The following NKD2 variants were observed in gnomAD, a reference collection of about 807,000 sequenced individuals.
NKD2 encodes the protein NKD inhibitor of Wnt signaling pathway 2.
A neutral mutation model predicts 34.8 loss-of-function variants in NKD2; 43 were observed. The observed-to-expected ratio is 1.24, with a 90% CI of 0.97 to 1.60. The LOEUF is 1.60. Among genes scored for constraint, NKD2 ranks in the 40% most tolerant of loss-of-function variants. NKD2 has a pLI of 0.00. For missense variants in NKD2, 675 were observed against 627.1 expected (o/e 1.08, Z -0.82); for synonymous variants, 278 against 265.1 (o/e 1.05, Z -0.47).
rs73731131 is a variant in NKD2 at position 1,019,772 on chromosome 5, G to A, written c.141+10212G>A. Reference sequence around the variant, plus strand: ...TAGAAAAAAGAAAACCCTGAAACGCGGCAGGGTTCTTTCCAGCTTTGGAAT... The same window carrying A: ...TAGAAAAAAGAAAACCCTGAAACGCAGCAGGGTTCTTTCCAGCTTTGGAAT... On this transcript the variant is annotated intron_variant, in intron 3 of 9. Coordinates refer to ENST00000296849, the MANE Select transcript of NKD2 (RefSeq NM_033120.4). Among the ~76,000 whole-genome samples the A allele has an allele frequency of 3.6e-3, 550 of 152,246 alleles. 4 individuals are homozygous for A. Among genetic ancestry groups the A allele is most frequent in the African/African-American group, 0.013 (521 of 41,534 alleles).
At chr5:1,035,793 C>G (rs934757241) in intron 8 of NKD2, 6 of 396,118 alleles carry the variant, frequency 1.5e-5, no homozygotes, top group Non-Finnish European at 2.7e-5. Flanking sequence ...GGCAACAGGG[C>G]TGGGGGTGGC....
intron 3 of NKD2, among the ~76,000 whole-genome samples, chr5:1,013,178 G>A (rs2150725772): frequency 6.6e-6 from 1 of 152,368 alleles, no homozygotes; most frequent in East Asian, 1.9e-4. Flanking sequence ...AAAGGGAGCA[G>A]GGGTGCCTGG....
In NKD2 at chr5:1,038,139, G is replaced by T; in HGVS notation, c.1122G>T (p.Gln374His). 6.3e-7 allele frequency: 1 copy of T among 1,586,868 alleles called. No homozygotes were observed. Reference sequence around the variant, plus strand: ...CTCAGGACGGCCACCACCTCCCGCAGCCCCCACCGCCACCCTACGGCCACA... The same window carrying T: ...CTCAGGACGGCCACCACCTCCCGCATCCCCCACCGCCACCCTACGGCCACA... Reference protein sequence around the residue: ...QAPQDGHHLPQPPPPPYGHKR... With the variant: ...QAPQDGHHLPHPPPPPYGHKR... The change falls in exon 10 of 10, where the codon CAG (glutamine) becomes CAT (histidine). Residue 374 changes from glutamine to histidine, a missense_variant. Physicochemically the swap from Gln to His is conservative, Grantham distance 24 (BLOSUM62 0). Transcript: ENST00000296849. This position sits in a 1 kb window ranked among gnomAD's most constrained non-coding sequence, Gnocchi z 4.5.
Position 1,009,923 on chromosome 5 carries a change from C to T in NKD2, c.141+363C>T, listed in dbSNP as rs75954784. 0.16 allele frequency among the ~76,000 whole-genome samples: 24,589 copies of T among 152,056 alleles called. 2,646 individuals carry two copies. Among genetic ancestry groups the T allele is most frequent in the Non-Finnish European group, 0.25 (16,711 of 67,940 alleles). On this transcript the variant is annotated intron_variant, in intron 3 of 9. Transcript: ENST00000296849. This position sits in a 1 kb window ranked among gnomAD's most constrained non-coding sequence, Gnocchi z 6.9. ...CCCGGGGAGCGGGAATGCAGTACCC[C>T]GGCTGGATGAGCTGGAGGAGTTGGA...
chr5:1,034,703 G>A (rs985860956), intron 6 of NKD2, 53 bp from the exon 7 acceptor site: 12 of 1,570,236 alleles, frequency 7.6e-6, no homozygotes, highest in African/African-American at 2.7e-5. Flanking sequence ...CAGGGAGGGC[G>A]GGTGGTGTCC....
chr5:1,035,565 C>CACACCAT (rs1181843074), intron 8 of NKD2, 92 bp downstream of exon 8: 4 of 998,090 alleles, frequency 4.0e-6, no homozygotes, highest in South Asian at 1.4e-5. Flanking sequence ...CCACAGGCCA[C>CACACCAT]ACACCATCCT....
At chr5:1,026,885 G>T (rs973849415) in intron 3 of NKD2, among the ~76,000 whole-genome samples, 1 of 152,252 alleles carries the variant, frequency 6.6e-6, no homozygotes, top group Non-Finnish European at 1.5e-5. Flanking sequence ...CTTGGCAGGC[G>T]CCTACCTTGC....
chr5:1,035,702 G>T, intron 8 of NKD2: 1 of 549,474 alleles, frequency 1.8e-6, no homozygotes. Context: ...AGGGGCAGCA[G>T]CCACAGCGGC....
rs1554005859 is a variant in NKD2 at position 1,038,478 on chromosome 5, AC to A, written c.*111del. The A allele has an allele frequency of 4.6e-6, 7 of 1,527,892 alleles. No individual in the cohort carries two copies. Among genetic ancestry groups the A allele is most frequent in the Middle Eastern group, 1.7e-4 (1 of 5,982 alleles). 94.6% of individuals were successfully genotyped at this position (1,527,892 alleles called of 1,614,324 possible). ...TGTGCCCATGGGGAGCCCAGCCCCC[AC>A]CCCCCACCTCCGACAGCAAACAGCA... On this transcript the variant is annotated 3_prime_UTR_variant, in exon 10 of 10. Transcript: ENST00000296849. This position sits in a 1 kb window ranked among gnomAD's most constrained non-coding sequence, Gnocchi z 4.5.
In NKD2 at chr5:1,034,254, C is replaced by T. The variant is rs146438226; in HGVS notation, c.350C>T (p.Ser117Leu). The change falls in exon 6 of 10, where the codon TCG becomes TTG. Residue 117 changes from serine to leucine, a missense_variant. By Grantham distance (145) the Ser-to-Leu change is moderately radical. Transcript: ENST00000296849. ...LNIDALQCDV[S>L]VEEDDRQEWT... ...CCACAGGCACTCCAGTGCGATGTCTCGGTGGAGGAGGACGACCGCCAGGAG... is the reference window on the plus strand; with the variant it reads ...CCACAGGCACTCCAGTGCGATGTCTTGGTGGAGGAGGACGACCGCCAGGAG... 66 of 1,612,140 alleles carry T rather than the reference C, an allele frequency of 4.1e-5. No homozygotes were observed. In the Middle Eastern group the frequency reaches 8.3e-4, roughly 20 times the overall value.
In NKD2 at chr5:1,009,811, C is replaced by T. The variant is rs562503809; in HGVS notation, c.141+251C>T. On this transcript the variant is annotated intron_variant, in intron 3 of 9. Transcript: ENST00000296849. The surrounding 1 kb of genome is among the most constrained non-coding windows in gnomAD (Gnocchi z 6.9). ...GGGAATCGGAATTCCTTGTCCTAGGCTGGGAGCCGTGTGGGGGCTCCATGT... is the reference window on the plus strand; with the variant it reads ...GGGAATCGGAATTCCTTGTCCTAGGTTGGGAGCCGTGTGGGGGCTCCATGT... Among the ~76,000 whole-genome samples, 1 of 152,150 alleles carries T rather than the reference C, an allele frequency of 6.6e-6. No individual in the cohort carries two copies. The highest frequency in any genetic ancestry group is 2.4e-5 in the African/African-American group (1 of 41,512).
intron 4 of NKD2, 102 bp downstream of exon 4, chr5:1,032,314 C>A: frequency 2.3e-6 from 2 of 883,896 alleles, no homozygotes; most frequent in Non-Finnish European, 3.7e-6. Flanking sequence ...GTGTGCGGAG[C>A]GAGGGCACTT....
chr5:1,034,663 G>T, intron 6 of NKD2, 93 bp from the exon 7 acceptor site: 1 of 1,319,640 alleles, frequency 7.6e-7, no homozygotes, highest in East Asian at 2.3e-5. Context: ...GATGGCATAG[G>T]AAGGGGCGGG....
Position 1,034,242 on chromosome 5 carries a change from A to T in NKD2, c.338A>T (p.Gln113Leu). The change falls in exon 6 of 10, where the codon CAG becomes CTG. Residue 113 changes from glutamine (Q) to leucine (L), a missense_variant. By Grantham distance (113) the Gln-to-Leu change is moderately radical. Transcript: ENST00000296849. ...GGQRLNIDAL[Q>L]CDVSVEEDDR... Reference sequence around the variant, plus strand: ...CCCCACGTCCCCCCACAGGCACTCCAGTGCGATGTCTCGGTGGAGGAGGAC... The same window carrying T: ...CCCCACGTCCCCCCACAGGCACTCCTGTGCGATGTCTCGGTGGAGGAGGAC... The T allele has an allele frequency of 6.2e-7, 1 of 1,610,894 alleles. No individual in the cohort carries two copies. The highest frequency in any genetic ancestry group is 8.5e-7 in the Non-Finnish European group (1 of 1,179,452).
At chr5:1,030,322 C>T (rs1266495697) in intron 3 of NKD2, among the ~76,000 whole-genome samples, 1 of 152,204 alleles carries the variant, frequency 6.6e-6, no homozygotes, top group East Asian at 1.9e-4. Context: ...CTGCATCCCT[C>T]AGCCTGGGCA....
chr5:1,036,669 A>T (rs1156721519), intron 9 of NKD2: 4 of 587,288 alleles, frequency 6.8e-6, no homozygotes, highest in African/African-American at 1.8e-5. Context: ...TCAAAGTGAG[A>T]TGGAAGACAT....
rs1302878881 is a variant in NKD2, at chr5:1,009,617, C to G, written c.141+57C>G. ...TGCGCACCCGCCCGGGGGCGGGGAG[C>G]GGTGTCAGAGCTGTTCCTGGTGCCC... On this transcript the variant is annotated intron_variant, in intron 3 of 9. Coordinates refer to ENST00000296849, the MANE Select transcript of NKD2 (RefSeq NM_033120.4). This position sits in a 1 kb window ranked among gnomAD's most constrained non-coding sequence, Gnocchi z 6.9. 1 of 1,348,696 alleles carries G rather than the reference C, an allele frequency of 7.4e-7. No homozygotes were observed. Among genetic ancestry groups the G allele is most frequent in the Non-Finnish European group, 9.6e-7 (1 of 1,044,912 alleles). The allele number at this position is 1,348,696 out of a possible 1,614,324, so 83.5% of individuals were successfully genotyped here.
intron 3 of NKD2, among the ~76,000 whole-genome samples, chr5:1,022,045 C>T (rs1756214520): frequency 6.6e-6 from 1 of 150,846 alleles, no homozygotes; most frequent in African/African-American, 2.4e-5. Context: ...CTCCCACCCT[C>T]CCCCTACCGC....
intron 3 of NKD2, among the ~76,000 whole-genome samples, chr5:1,024,642 C>G (rs372773241): frequency 1.4e-5 from 1 of 73,874 alleles, no homozygotes; most frequent in Admixed American, 1.4e-4. Flanking sequence ...CCGCTGTGGG[C>G]GTCCCAGCCC....
Sources: allele counts gnomAD v4.1 joint callset (sites outside exome capture counted in the v4.1 genomes callset), GRCh38; gene constraint gnomAD v4.1.1; non-coding constraint Gnocchi (gnomAD v3.1); transcripts MANE v1.5; gene names NCBI Gene and HGNC (gene_info 2026-07-23, HGNC 2026-07-21).